The following ZFP28 variants were observed in gnomAD, a reference collection of about 807,000 sequenced individuals.
ZFP28 encodes the protein ZFP28 zinc finger protein, also known as zinc finger protein 28 homolog.
A neutral mutation model predicts 39.5 loss-of-function variants in ZFP28; 31 were observed. That is an observed-to-expected ratio of 0.79 (90% CI 0.59 to 1.06). ZFP28 has a LOEUF of 1.06. ZFP28 is among the 50% of genes least tolerant of loss of function. The pLI is 0.00. For synonymous variants in ZFP28, 400 were observed against 378.6 expected, an observed-to-expected ratio of 1.06 and a Z score of -0.66; for missense variants, 925 against 1,048.4, an observed-to-expected ratio of 0.88 and a Z score of 1.63.
At chr19:56,545,259 GCTCTGCAGTTGACTGATTCAACTCC>G in intron 2 of ZFP28, among the ~76,000 whole-genome samples, 1 of 152,296 alleles carries the variant, frequency 6.6e-6, no homozygotes, top group South Asian at 2.1e-4. Flanking sequence ...CAAGAGTGTA[GCTCTGCAGTTGACTGATTCAACTCC>G]CTCTGCAGTT....
In ZFP28 at chr19:56,554,382, TACAAATGTGATGTATGTC is replaced by T. The variant is rs1365623477; in HGVS notation, c.1604_1621del (p.Cys535_Lys540del). The T allele has an allele frequency of 6.2e-7, 1 of 1,614,172 alleles. No individual in the cohort carries two copies. Among genetic ancestry groups the T allele is most frequent in the East Asian group, 2.2e-5 (1 of 44,878 alleles). On this transcript the variant is annotated inframe_deletion, in exon 8 of 8. Transcript: ENST00000301318. The surrounding 1 kb of genome is among the most constrained non-coding windows in gnomAD (Gnocchi z 6.7). Reference sequence around the variant, plus strand: ...GAGAATTCATACTGGAGAGAAACCTTACAAATGTGATGTATGTCACAAATCCTTCAGGTATGGTTCCTC... The same window carrying T: ...GAGAATTCATACTGGAGAGAAACCTTACAAATCCTTCAGGTATGGTTCCTC...
At chr19:56,552,133 A>T in intron 7 of ZFP28, 1 of 482,144 alleles carries the variant, frequency 2.1e-6, no homozygotes, top group Non-Finnish European at 2.7e-6. Context: ...TGTTGAGTAT[A>T]TTTAAACATT....
chr19:56,540,068 C>G lies in ZFP28; in HGVS notation c.300+352C>G, dbSNP rs2044182376. On this transcript the variant is annotated intron_variant, in intron 2 of 7. Coordinates refer to ENST00000301318, the MANE Select transcript of ZFP28 (RefSeq NM_020828.2). ...TTGTTTGGTGACCACTTTGTGCCAG[C>G]CACTGAGCAAACCAATAGCTAAGCC... Among the ~76,000 whole-genome samples the G allele has an allele frequency of 2.6e-5, 4 of 152,318 alleles. No individual in the cohort carries two copies. The South Asian group carries it at 8.3e-4, about 32-fold the overall frequency.
rs1568488378 is a variant in ZFP28 at position 56,554,067 on chromosome 19, A to T, written c.1282A>T (p.Thr428Ser). ...KLFKCNECKK[T>S]FTQSSSLTVH... ...TTTCAAGTGTAATGAATGTAAGAAA[A>T]CTTTTACCCAGAGCTCATCTCTTAC... The change falls in exon 8 of 8, where the codon ACT becomes TCT. Residue 428 changes from threonine to serine, a missense_variant. Thr to Ser is a moderately conservative substitution (Grantham distance 58). Around this residue, in one of 2 missense-constraint regions of ZFP28, gnomAD observed 556 missense variants for 542.9 expected, o/e 1.02. Coordinates refer to ENST00000301318, the MANE Select transcript of ZFP28 (RefSeq NM_020828.2). This position sits in a 1 kb window ranked among gnomAD's most constrained non-coding sequence, Gnocchi z 6.7. The T allele has an allele frequency of 1.2e-6, 2 of 1,614,184 alleles. No homozygotes were observed. The highest frequency in any genetic ancestry group is 1.7e-6 in the Non-Finnish European group (2 of 1,180,032).
intron 1 of ZFP28, 132 bp from the exon 2 acceptor site, chr19:56,539,493 C>A: frequency 1.2e-6 from 1 of 801,084 alleles, no homozygotes; most frequent in Non-Finnish European, 2.0e-6. Context: ...AAAAACCTAT[C>A]TCCACGTTGT....
At chr19:56,549,676 CA>C (rs796445291) in intron 5 of ZFP28, among the ~76,000 whole-genome samples, 55 of 135,012 alleles carry the variant, frequency 4.1e-4, no homozygotes, top group East Asian at 4.3e-4. Flanking sequence ...GACTCCGTCT[CA>C]AAAAAAAAAA....
At chr19:56,550,760 C>A (rs775986168) in intron 7 of ZFP28, 155 bp downstream of exon 7, 7 of 1,537,928 alleles carry the variant, frequency 4.6e-6, no homozygotes, top group South Asian at 1.2e-5. Flanking sequence ...CCAAATAATT[C>A]TTTCCTCCTC....
Position 56,555,483 on chromosome 19 carries a change from T to C in ZFP28, c.*91T>C, listed in dbSNP as rs2044343387. 16 of 1,444,122 alleles carry C rather than the reference T, an allele frequency of 1.1e-5. No homozygotes were observed. Among genetic ancestry groups the C allele is most frequent in the Non-Finnish European group, 1.5e-5 (16 of 1,074,566 alleles). 89.5% of individuals were successfully genotyped at this position (1,444,122 alleles called of 1,614,324 possible). On this transcript the variant is annotated 3_prime_UTR_variant, in exon 8 of 8. Coordinates refer to ENST00000301318, the MANE Select transcript of ZFP28 (RefSeq NM_020828.2). Reference sequence around the variant, plus strand: ...TTTCTTTTTGTCCCTTATTAGTTAGTTCTTCACATAAGTGTAAATGTAACT... The same window carrying C: ...TTTCTTTTTGTCCCTTATTAGTTAGCTCTTCACATAAGTGTAAATGTAACT...
chr19:56,539,247 G>A (rs754078108), intron 1 of ZFP28, 21 bp downstream of exon 1: 1 of 1,577,578 alleles, frequency 6.3e-7, no homozygotes. Context: ...CAGGTGTTTG[G>A]GGCCGAGCGG....
chr19:56,551,257 A>C (rs896010097), intron 7 of ZFP28: 2 of 986,602 alleles, frequency 2.0e-6, no homozygotes, highest in African/African-American at 1.7e-5. Flanking sequence ...TTGATGCACA[A>C]GGGAAAGAAA....
chr19:56,550,371 C>G, intron 6 of ZFP28, 139 bp from the exon 7 acceptor site: 1 of 879,982 alleles, frequency 1.1e-6, no homozygotes. Flanking sequence ...GAAGCGTTAT[C>G]TTCTTGTGTC....
chr19:56,550,000 A>G, intron 5 of ZFP28, 67 bp from the exon 6 acceptor site: 1 of 1,340,364 alleles, frequency 7.5e-7, no homozygotes, highest in South Asian at 1.3e-5. Context: ...GACACAGTCC[A>G]TCCCACTGAG....
In ZFP28 at chr19:56,547,897, G is replaced by T; in HGVS notation, c.518G>T (p.Cys173Phe). The change falls in exon 4 of 8, where the codon TGC becomes TTC. Residue 173 changes from cysteine (C) to phenylalanine (F), a missense_variant. This residue lies in a region of ZFP28 where 556 missense variants were observed against 542.9 expected (regional missense o/e 1.02). Coordinates refer to ENST00000301318, the MANE Select transcript of ZFP28 (RefSeq NM_020828.2). The surrounding 1 kb of genome is among the most constrained non-coding windows in gnomAD (Gnocchi z 4.6). Reference protein sequence around the residue: ...TVKRKMTRAWCPDLKAVWKIK... With the variant: ...TVKRKMTRAWFPDLKAVWKIK... ...AAGCGAAAGATGACAAGAGCCTGGT[G>T]CCCAGGTGAGTGTGGGAGAACCAGG... 6.2e-7 allele frequency: 1 copy of T among 1,614,154 alleles called. No individual in the cohort carries two copies. Among genetic ancestry groups the T allele is most frequent in the Non-Finnish European group, 8.5e-7 (1 of 1,180,018 alleles).
Position 56,547,207 on chromosome 19 carries a change from G to A in ZFP28, c.301-301G>A, listed in dbSNP as rs192315714. 17 of 287,710 alleles carry A rather than the reference G, an allele frequency of 5.9e-5. No homozygotes were observed. In the East Asian group the frequency reaches 7.9e-4, roughly 13 times the overall value. The allele number at this position is 287,710 out of a possible 1,614,324, so 17.8% of individuals were successfully genotyped here. ...AGGCCTCTCTCCTTGGCTTGCAGAC[G>A]GCCGTCTTCTCTCTGTGTCCTCACG... On this transcript the variant is annotated intron_variant, in intron 2 of 7. Coordinates refer to ENST00000301318, the MANE Select transcript of ZFP28 (RefSeq NM_020828.2). This position sits in a 1 kb window ranked among gnomAD's most constrained non-coding sequence, Gnocchi z 4.6.
At chr19:56,549,236 T>C in intron 5 of ZFP28, 115 bp downstream of exon 5, 1 of 1,253,980 alleles carries the variant, frequency 8.0e-7, no homozygotes, top group Non-Finnish European at 1.1e-6. Flanking sequence ...TTGAATACAA[T>C]GCTTCTTATA....
rs1456341424 is a variant in ZFP28, at chr19:56,553,983, A to C, written c.1198A>C (p.Asn400His). ...EKVHNRDSIK[N>H]FQKSSVVIKQ... ...AGTTCATAATCGTGATTCAATTAAA[A>C]ATTTTCAAAAAAGTTCAGTGGTAAT... is the stretch of plus-strand genomic sequence containing the variant. The change falls in exon 8 of 8, where the codon AAT (asparagine) becomes CAT (histidine). Residue 400 changes from asparagine (N) to histidine (H), a missense_variant. Physicochemically the swap from Asn to His is moderately conservative, Grantham distance 68 (BLOSUM62 1). Around this residue, in one of 2 missense-constraint regions of ZFP28, gnomAD observed 556 missense variants for 542.9 expected, o/e 1.02. Coordinates refer to ENST00000301318, the MANE Select transcript of ZFP28 (RefSeq NM_020828.2). 2 of 1,611,278 alleles carry C rather than the reference A, an allele frequency of 1.2e-6. No individual in the cohort carries two copies. The highest frequency in any genetic ancestry group is 1.7e-6 in the Non-Finnish European group (2 of 1,179,374).
intron 2 of ZFP28, among the ~76,000 whole-genome samples, chr19:56,542,090 C>T (rs1271134690): frequency 2.0e-5 from 3 of 151,986 alleles, no homozygotes; most frequent in Admixed American, 2.0e-4. Flanking sequence ...TGCACTTATT[C>T]ATCAGCCATG....
At chr19:56,551,279 T>C (rs1342655865) in intron 7 of ZFP28, 2 of 986,928 alleles carry the variant, frequency 2.0e-6, no homozygotes, top group African/African-American at 1.7e-5. Context: ...GAAATTTCCA[T>C]AGAAAATAAT....
chr19:56,549,443 C>T (rs541031167), intron 5 of ZFP28, among the ~76,000 whole-genome samples: 3 of 152,010 alleles, frequency 2.0e-5, no homozygotes, highest in South Asian at 2.1e-4. Flanking sequence ...TTTGGGAGGC[C>T]GAGGCGGGTG....
Sources: gnomAD v4.1 joint callset for allele counts (sites outside exome capture counted in the v4.1 genomes callset) on GRCh38, gnomAD v4.1.1 for gene constraint, gnomAD v4.1.1 regional missense constraint, Gnocchi (gnomAD v3.1) non-coding constraint, MANE v1.5 for transcripts, NCBI Gene and HGNC (gene_info 2026-07-23, HGNC 2026-07-21) for gene names.